The following CLASP1 variants were observed in gnomAD, a reference collection of about 807,000 sequenced individuals.
CLASP1 encodes CLIP-associating protein 1.
Under a neutral mutation model 192.3 loss-of-function variants are expected in CLASP1, and 38 were observed. The ratio of observed to expected loss-of-function variants is 0.20; its 90% confidence interval spans 0.15 to 0.26. The LOEUF (loss-of-function observed/expected upper bound fraction) is 0.26, where lower values mean the gene tolerates loss of function less well. Ranked by LOEUF, CLASP1 falls within the 10% of genes least tolerant of loss-of-function variation. The pLI, the probability that CLASP1 is intolerant of heterozygous loss-of-function variation, is 1.00. For synonymous variants in CLASP1, 691 were observed against 712.8 expected, an observed-to-expected ratio of 0.97 and a Z score of 0.49; for missense variants, 1,433 against 1,932.5, an observed-to-expected ratio of 0.74 and a Z score of 4.85.
In CLASP1 at chr2:121,430,056, TA is replaced by T; in HGVS notation, c.2017+16del. On this transcript the variant is annotated intron_variant, in intron 20 of 39. Transcript: ENST00000263710. Reference sequence around the variant, plus strand: ...AATAAAACTGAGGTAAGCAAGAGCATAAAATATGTTTCTTACGCTGGGACTG... The same window carrying T: ...AATAAAACTGAGGTAAGCAAGAGCATAAATATGTTTCTTACGCTGGGACTG... The T allele has an allele frequency of 6.5e-7, 1 of 1,538,436 alleles. No individual in the cohort carries two copies. The highest frequency in any genetic ancestry group is 8.8e-7 in the Non-Finnish European group (1 of 1,133,664).
chr2:121,478,871 C>CCACACA (rs2092197685), intron 8 of CLASP1, among the ~76,000 whole-genome samples: 1 of 15,346 alleles, frequency 6.5e-5, no homozygotes, highest in East Asian at 1.7e-3. Context: ...CACACACACA[C>CCACACA]CACACCACAC....
At chr2:121,407,395 T>A in intron 25 of CLASP1, 76 bp downstream of exon 26, 1 of 1,515,570 alleles carries the variant, frequency 6.6e-7, no homozygotes, top group Non-Finnish European at 9.0e-7. Context: ...CCATTAATTA[T>A]AGGAAATCCC....
At chr2:121,540,370 G>A (rs965964736) in intron 2 of CLASP1, among the ~76,000 whole-genome samples, 1 of 152,300 alleles carries the variant, frequency 6.6e-6, no homozygotes, top group Admixed American at 6.5e-5. Flanking sequence ...AAGTGGGCAC[G>A]GTGGTGTCTA....
intron 7 of CLASP1, among the ~76,000 whole-genome samples, chr2:121,515,267 T>C (rs2094254735): frequency 1.3e-5 from 2 of 152,236 alleles, no homozygotes; most frequent in African/African-American, 4.8e-5. Flanking sequence ...TATGAATTTT[T>C]ATCCAAACAC....
chr2:121,390,678 A>C (rs1465636674), intron 30 of CLASP1, among the ~76,000 whole-genome samples: 3 of 152,230 alleles, frequency 2.0e-5, no homozygotes, highest in Non-Finnish European at 4.4e-5. Context: ...GGGAAAACAA[A>C]ATTTGAGAGG....
intron 2 of CLASP1, among the ~76,000 whole-genome samples, chr2:121,570,085 A>G (rs1379882441): frequency 1.3e-5 from 2 of 152,222 alleles, no homozygotes; most frequent in Admixed American, 6.5e-5. Context: ...AAGTTAAAAA[A>G]GGGGGGCATC....
intron 23 of CLASP1, among the ~76,000 whole-genome samples, chr2:121,415,338 A>G (rs1160975841): frequency 6.6e-6 from 1 of 152,230 alleles, no homozygotes; most frequent in African/African-American, 2.4e-5. Flanking sequence ...TACTGAGTGG[A>G]TTAAAAGAGA....
rs146029926 is a variant in CLASP1, at chr2:121,551,134, C to A, written c.196-20809G>T. ...AGACAAAACCACATGATTATCTCAA[C>A]AGATGCAGAAAGGGCTTTCAATAAA... On this transcript the variant is annotated intron_variant, in intron 2 of 39. Transcript: ENST00000263710. Among the ~76,000 whole-genome samples the A allele has an allele frequency of 3.5e-4, 54 of 152,292 alleles. No homozygotes were observed. The East Asian group carries it at 9.1e-3, about 26-fold the overall frequency.
At chr2:121,379,496 A>G (rs1018064067) in intron 33 of CLASP1, among the ~76,000 whole-genome samples, 2 of 152,236 alleles carry the variant, frequency 1.3e-5, no homozygotes, top group African/African-American at 4.8e-5. Context: ...TGGACAAGGC[A>G]TTTATACATC....
intron 2 of CLASP1, among the ~76,000 whole-genome samples, chr2:121,561,433 G>C (rs893745225): frequency 6.6e-6 from 1 of 152,082 alleles, no homozygotes; most frequent in African/African-American, 2.4e-5. Flanking sequence ...GCAGTGCACT[G>C]ATCTCATACG....
At chr2:121,367,493 T>G in intron 35 of CLASP1, 95 bp downstream of exon 36, 2 of 1,522,154 alleles carry the variant, frequency 1.3e-6, no homozygotes, top group Non-Finnish European at 1.8e-6. Context: ...AGCGTCTCCA[T>G]TTACATCTGA....
At chr2:121,528,856 T>G in intron 3 of CLASP1, 76 bp from the exon 4 acceptor site, 1 of 1,130,172 alleles carries the variant, frequency 8.8e-7, no homozygotes, top group Non-Finnish European at 1.3e-6. Context: ...CCTATCTCAA[T>G]TATGTGGGAA....
At chr2:121,409,323 A>G (rs951766976) in intron 24 of CLASP1, among the ~76,000 whole-genome samples, 4 of 152,188 alleles carry the variant, frequency 2.6e-5, no homozygotes, top group African/African-American at 9.7e-5. Flanking sequence ...CAAATCTCTA[A>G]GGTCACCATT....
intron 19 of CLASP1, among the ~76,000 whole-genome samples, chr2:121,442,499 C>T (rs1245712704): frequency 2.9e-5 from 4 of 137,394 alleles, no homozygotes; most frequent in Admixed American, 7.2e-5. Context: ...TTTTTTGAGA[C>T]GGAGTCTCGC....
At chr2:121,530,199 C>A in intron 3 of CLASP1, 48 bp downstream of exon 3, 1 of 1,496,212 alleles carries the variant, frequency 6.7e-7, no homozygotes, top group South Asian at 1.2e-5. Flanking sequence ...CGAGGGAAGG[C>A]TGGGGGTCTG....
At chr2:121,394,435 C>T (rs752349297) in intron 30 of CLASP1, among the ~76,000 whole-genome samples, 16 of 152,226 alleles carry the variant, frequency 1.1e-4, no homozygotes, top group Middle Eastern at 3.2e-3. Flanking sequence ...CATCCACTGC[C>T]TTCTGTCCTT....
chr2:121,519,839 G>A (rs1032614946), intron 6 of CLASP1, among the ~76,000 whole-genome samples: 12 of 152,200 alleles, frequency 7.9e-5, no homozygotes, highest in Admixed American at 7.9e-4. Context: ...CTCTAATAGA[G>A]AAGAGGTTTA....
chr2:121,387,647 G>T, intron 31 of CLASP1, 116 bp downstream of exon 32: 2 of 1,027,344 alleles, frequency 1.9e-6, no homozygotes, highest in Non-Finnish European at 2.9e-6. Context: ...CAGGATGCTC[G>T]ACATTTCCTG....
chr2:121,645,808 T>G (rs1329699556), intron 1 of CLASP1, among the ~76,000 whole-genome samples: 1 of 151,676 alleles, frequency 6.6e-6, no homozygotes, highest in African/African-American at 2.4e-5. Flanking sequence ...TGAGGGGAGG[T>G]GGGATGAGGA....
Sources: allele counts gnomAD v4.1 joint callset (sites outside exome capture counted in the v4.1 genomes callset), GRCh38; gene constraint gnomAD v4.1.1; transcripts MANE v1.5; gene names NCBI Gene and HGNC (gene_info 2026-07-23, HGNC 2026-07-21).